Variants in SH3YL1 observed in about 807,000 individuals in gnomAD.
SH3YL1 encodes the protein SH3 domain-containing YSC84-like protein 1.
A neutral mutation model predicts 45.8 loss-of-function variants in SH3YL1; 41 were observed. The ratio of observed to expected loss-of-function variants is 0.89; its 90% CI spans 0.70 to 1.16. SH3YL1 has a LOEUF of 1.16. Ranked by LOEUF, SH3YL1 falls within the 50% of genes most tolerant of loss-of-function variation. The pLI is 0.00. For synonymous variants in SH3YL1, 152 were observed against 151.4 expected (o/e 1.00, Z -0.03); for missense variants, 389 against 409.6 (o/e 0.95, Z 0.43).
intron 1 of SH3YL1, chr2:262,823 G>A (rs1669641032): frequency 1.4e-6 from 1 of 720,278 alleles, no homozygotes; most frequent in Non-Finnish European, 1.9e-6. Flanking sequence ...CTTTTGATGA[G>A]CAAACATTAT....
chr2:261,693 A>G (rs929026399), intron 1 of SH3YL1, among the ~76,000 whole-genome samples: 10 of 152,228 alleles, frequency 6.6e-5, no homozygotes, highest in Non-Finnish European at 1.2e-4. Flanking sequence ...TACTCGGAGT[A>G]AATTGCCACC....
chr2:245,611 T>A (rs1225622326), intron 4 of SH3YL1, among the ~76,000 whole-genome samples: 1 of 152,150 alleles, frequency 6.6e-6, no homozygotes, highest in Non-Finnish European at 1.5e-5. Context: ...CATCACAGAC[T>A]GGAAGCACCC....
chr2:257,009 C>G (rs1398423696), intron 1 of SH3YL1, among the ~76,000 whole-genome samples: 1 of 152,182 alleles, frequency 6.6e-6, no homozygotes, highest in Non-Finnish European at 1.5e-5. Context: ...ATTTCTATAT[C>G]TTGTAAAGTG....
chr2:226,963 G>T (rs1408892752), intron 8 of SH3YL1, among the ~76,000 whole-genome samples: 1 of 152,094 alleles, frequency 6.6e-6, no homozygotes, highest in African/African-American at 2.4e-5. Context: ...TGCACATGGT[G>T]GGTGGTACAC....
At chr2:220,254 CACTTT>C (rs1667515051) in intron 9 of SH3YL1, among the ~76,000 whole-genome samples, 1 of 151,668 alleles carries the variant, frequency 6.6e-6, no homozygotes, top group Non-Finnish European at 1.5e-5. Flanking sequence ...AAATAGTCAA[CACTTT>C]AAACTACTCT....
At chr2:225,369 TTTC>T (rs936882455) in intron 8 of SH3YL1, among the ~76,000 whole-genome samples, 30 of 152,220 alleles carry the variant, frequency 2.0e-4, no homozygotes, top group African/African-American at 7.2e-4. Flanking sequence ...GGGGTTTGCT[TTTC>T]TTCTTCAACT....
chr2:262,597 G>C (rs1349112248), intron 1 of SH3YL1: 1 of 1,304,202 alleles, frequency 7.7e-7, no homozygotes, highest in South Asian at 1.2e-5. Flanking sequence ...AGGTCTCAGA[G>C]CAGAGAATTT....
chr2:259,379 A>G (rs1572183464), intron 1 of SH3YL1: 1 of 152,184 alleles, frequency 6.6e-6, no homozygotes, highest in Non-Finnish European at 1.5e-5. Flanking sequence ...TTAAAAATTA[A>G]TATTTTTTTG....
chr2:246,391 A>G (rs1668812052), intron 4 of SH3YL1, among the ~76,000 whole-genome samples: 2 of 152,234 alleles, frequency 1.3e-5, no homozygotes, highest in South Asian at 4.1e-4. Flanking sequence ...TTTGGTCTCT[A>G]ATATATTGAA....
upstream of SH3YL1, chr2:264,757 G>A (rs568252986): frequency 4.6e-5 from 25 of 542,362 alleles, no homozygotes; most frequent in South Asian, 5.3e-4. Context: ...GGTGACCCGC[G>A]GACCCTCCCC....
intron 1 of SH3YL1, chr2:262,836 T>C: frequency 1.5e-6 from 1 of 673,260 alleles, no homozygotes; most frequent in Non-Finnish European, 2.1e-6. Flanking sequence ...AACATTATTT[T>C]AAACTTTTTT....
chr2:251,338 C>T (rs180893940), intron 2 of SH3YL1, among the ~76,000 whole-genome samples: 91 of 152,274 alleles, frequency 6.0e-4, no homozygotes, highest in Non-Finnish European at 8.2e-4. Flanking sequence ...TTTGTAGATG[C>T]AACTGTTTAT....
At chr2:238,799 A>C (rs1402968003) in intron 4 of SH3YL1, among the ~76,000 whole-genome samples, 1 of 152,106 alleles carries the variant, frequency 6.6e-6, no homozygotes, top group East Asian at 1.9e-4. Flanking sequence ...TCTCTTTACT[A>C]ATCTCTCTCT....
In SH3YL1 at chr2:258,449, C is replaced by T. The variant is rs779611404; in HGVS notation, c.2-5334G>A. On this transcript the variant is annotated intron_variant, in intron 1 of 9. Coordinates refer to ENST00000356150, the MANE Select transcript of SH3YL1 (RefSeq NM_015677.4). Reference sequence around the variant, plus strand: ...TTAAATTGTATAATCTGCCATTTCTCGATCTGTTTTTGACTGATTCTTCTT... The same window carrying T: ...TTAAATTGTATAATCTGCCATTTCTTGATCTGTTTTTGACTGATTCTTCTT... Among the ~76,000 whole-genome samples, 274 of 152,232 alleles carry T rather than the reference C, an allele frequency of 1.8e-3. 2 individuals are homozygous for T. The highest frequency in any genetic ancestry group is 1.7e-3 in the Non-Finnish European group (116 of 68,006).
At chr2:226,123 A>T (rs910045877) in intron 8 of SH3YL1, among the ~76,000 whole-genome samples, 2 of 152,200 alleles carry the variant, frequency 1.3e-5, no homozygotes, top group African/African-American at 2.4e-5. Flanking sequence ...GGAGACTATG[A>T]ACATACTCTT....
intron 6 of SH3YL1, among the ~76,000 whole-genome samples, chr2:231,469 T>A (rs796072344): frequency 6.6e-6 from 1 of 152,234 alleles, no homozygotes; most frequent in East Asian, 1.9e-4. Flanking sequence ...GAAATACTTA[T>A]ACTTGCCCAT....
chr2:264,611 C>T (rs1243483630), upstream of SH3YL1: 2 of 146,222 alleles, frequency 1.4e-5, no homozygotes, highest in African/African-American at 2.6e-5. Context: ...CCCCGCCAAC[C>T]CCCGCCACCA....
At chr2:222,976 A>G (rs1206775833) in intron 9 of SH3YL1, 1 of 152,254 alleles carries the variant, frequency 6.6e-6, no homozygotes, top group African/African-American at 2.4e-5. Context: ...AAAATTCCGT[A>G]ACGTAAAGTG....
chr2:245,820 T>C (rs1668773381), intron 4 of SH3YL1, among the ~76,000 whole-genome samples: 1 of 152,132 alleles, frequency 6.6e-6, no homozygotes, highest in Non-Finnish European at 1.5e-5. Context: ...AGCGCACCAG[T>C]CTTGAGAATT....
Sources: allele counts gnomAD v4.1 joint callset (sites outside exome capture counted in the v4.1 genomes callset), GRCh38; gene constraint gnomAD v4.1.1; transcripts MANE v1.5; gene names NCBI Gene and HGNC (gene_info 2026-07-23, HGNC 2026-07-21).